NRG3: variants seen among roughly 807,000 people sequenced by gnomAD.
NRG3 encodes the protein neuregulin 3.
In NRG3, 31 loss-of-function variants were observed where a neutral mutation model predicts 66.9. The observed-to-expected ratio is 0.46, with a 90% CI of 0.35 to 0.63. The LOEUF (loss-of-function observed/expected upper bound fraction) is 0.63, where lower values mean the gene tolerates loss of function less well. Ranked by LOEUF, NRG3 falls within the 20% of genes least tolerant of loss-of-function variation. The pLI is 0.00. For missense variants in NRG3, 910 were observed against 878.9 expected (o/e 1.04, Z -0.45); for synonymous variants, 393 against 359.4 (o/e 1.09, Z -1.06).
Position 82,699,857 on chromosome 10 carries a change from CTG to C in NRG3, c.954-38697_954-38696del, listed in dbSNP as rs59381778. Reference sequence around the variant, plus strand: ...AAACATTTGTGCATATATGGATGATCTGTGTGTGTGTGTGTGTGTGTGTGCAT... The same window carrying C: ...AAACATTTGTGCATATATGGATGATCTGTGTGTGTGTGTGTGTGTGTGCAT... On this transcript the variant is annotated intron_variant, in intron 2 of 8. Coordinates refer to ENST00000372141, the MANE Select transcript of NRG3 (RefSeq NM_001010848.4). Among the ~76,000 whole-genome samples, 1,378 of 149,024 alleles carry C rather than the reference CTG, an allele frequency of 9.2e-3. 14 individuals carry two copies. Among genetic ancestry groups the C allele is most frequent in the African/African-American group, 0.025 (1,015 of 40,996 alleles).
chr10:82,528,840 T>G (rs2132622097), intron 2 of NRG3, among the ~76,000 whole-genome samples: 1 of 152,258 alleles, frequency 6.6e-6, no homozygotes, highest in East Asian at 1.9e-4. Flanking sequence ...ATCATCATCA[T>G]GTATATTTGA....
At chr10:82,093,158 T>C (rs928645259) in intron 1 of NRG3, among the ~76,000 whole-genome samples, 1 of 152,220 alleles carries the variant, frequency 6.6e-6, no homozygotes, top group Non-Finnish European at 1.5e-5. Context: ...CTGAGATATT[T>C]ACTGTTATCA....
intron 1 of NRG3, among the ~76,000 whole-genome samples, chr10:81,963,569 T>C (rs2059612373): frequency 1.3e-5 from 2 of 152,220 alleles, no homozygotes; most frequent in South Asian, 4.1e-4. Context: ...TTGTCTAAGT[T>C]TTGCCTTTTA....
At position 82,116,609 on chromosome 10, in the gene NRG3, T is replaced by C. The variant is rs2067736745; in HGVS notation, c.823+240446T>C. ...TGCTCATTTAAGAGCCTATATTTTT[T>C]ATTTCAAATGTTTCTGAAGTAAATC... On this transcript the variant is annotated intron_variant, in intron 1 of 8. Coordinates refer to ENST00000372141, the MANE Select transcript of NRG3 (RefSeq NM_001010848.4). Among the ~76,000 whole-genome samples, 4 of 152,300 alleles carry C rather than the reference T, an allele frequency of 2.6e-5. No homozygotes were observed. In the South Asian group the frequency reaches 8.3e-4, roughly 32 times the overall value.
intron 2 of NRG3, among the ~76,000 whole-genome samples, chr10:82,499,157 G>T (rs576590896): frequency 1.3e-5 from 2 of 152,244 alleles, no homozygotes; most frequent in Admixed American, 1.3e-4. Flanking sequence ...GCTGGAAAAA[G>T]AATTCTCTTT....
chr10:82,461,383 C>T (rs1205840298), intron 2 of NRG3, among the ~76,000 whole-genome samples: 7 of 152,168 alleles, frequency 4.6e-5, no homozygotes, highest in African/African-American at 1.4e-4. Flanking sequence ...CCCACCATTA[C>T]CACCACTTCC....
rs947481867 is a variant in NRG3, at chr10:81,875,884, A to C, written c.544A>C (p.Thr182Pro). ...RVPIRASPRSTTARNTAAPAT... is the reference protein window; with the variant it reads ...RVPIRASPRSPTARNTAAPAT... ...GCCCATCCGGGCCAGCCCGCGCTCC[A>C]CCACAGCACGGAACACTGCGGCCCC... The change falls in exon 1 of 9, where the codon ACC becomes CCC. Residue 182 changes from threonine (T) to proline (P), a missense_variant. By Grantham distance (38) the Thr-to-Pro change is conservative. Coordinates refer to ENST00000372141, the MANE Select transcript of NRG3 (RefSeq NM_001010848.4). The surrounding 1 kb of genome is among the most constrained non-coding windows in gnomAD (Gnocchi z 5.3). The C allele has an allele frequency of 1.9e-6, 3 of 1,611,562 alleles. No homozygotes were observed. In the African/African-American group the frequency reaches 4.0e-5, roughly 22 times the overall value.
chr10:82,776,200 C>T (rs2059907589), intron 3 of NRG3, among the ~76,000 whole-genome samples: 1 of 152,052 alleles, frequency 6.6e-6, no homozygotes, highest in Non-Finnish European at 1.5e-5. Context: ...ATTGGCTATA[C>T]CATTTTAGGT....
At chr10:82,607,789 C>T (rs1043119038) in intron 2 of NRG3, among the ~76,000 whole-genome samples, 2 of 151,940 alleles carry the variant, frequency 1.3e-5, no homozygotes, top group Admixed American at 6.6e-5. Context: ...TTGCAATATA[C>T]ATTTATAAAC....
intron 3 of NRG3, among the ~76,000 whole-genome samples, chr10:82,759,709 A>G (rs1326476696): frequency 3.3e-5 from 5 of 152,182 alleles, no homozygotes; most frequent in Admixed American, 3.3e-4. Context: ...CAGCAAAAGT[A>G]GCATAACACA....
At chr10:82,211,949 C>T (rs2075414729) in intron 1 of NRG3, among the ~76,000 whole-genome samples, 1 of 152,036 alleles carries the variant, frequency 6.6e-6, no homozygotes. Context: ...CCTTGGGTGA[C>T]AAAGATTGCT....
intron 2 of NRG3, among the ~76,000 whole-genome samples, chr10:82,525,697 G>A (rs1373187938): frequency 6.6e-6 from 1 of 151,498 alleles, no homozygotes; most frequent in Non-Finnish European, 1.5e-5. Flanking sequence ...GGTAAAATGA[G>A]TTAGAAACCA....
intron 4 of NRG3, among the ~76,000 whole-genome samples, chr10:82,867,003 A>C (rs1840813711): frequency 6.6e-6 from 1 of 152,170 alleles, no homozygotes; most frequent in South Asian, 2.1e-4. Flanking sequence ...TTATATGCCA[A>C]AGTTTCCCAT....
chr10:82,501,788 A>G (rs896039272), intron 2 of NRG3, among the ~76,000 whole-genome samples: 15 of 152,126 alleles, frequency 9.9e-5, no homozygotes, highest in Non-Finnish European at 1.9e-4. Context: ...TTTTAGTTCT[A>G]TGTTCTGCTT....
chr10:82,383,059 C>T (rs2085728350), intron 2 of NRG3, among the ~76,000 whole-genome samples: 1 of 151,896 alleles, frequency 6.6e-6, no homozygotes, highest in South Asian at 2.1e-4. Context: ...TTCAAAAAGG[C>T]CTTCATTTAT....
chr10:82,536,157 G>T (rs1223805697), intron 2 of NRG3, among the ~76,000 whole-genome samples: 1 of 152,074 alleles, frequency 6.6e-6, no homozygotes, highest in African/African-American at 2.4e-5. Context: ...GCCTTTCTGT[G>T]TTCTTTACAA....
chr10:82,655,991 A>G (rs1250568805), intron 2 of NRG3, among the ~76,000 whole-genome samples: 1 of 152,186 alleles, frequency 6.6e-6, no homozygotes, highest in East Asian at 1.9e-4. Context: ...AACCTAAAGA[A>G]AAGGGACTCT....
intron 2 of NRG3, among the ~76,000 whole-genome samples, chr10:82,535,697 C>T (rs549276967): frequency 1.3e-5 from 2 of 152,108 alleles, no homozygotes; most frequent in Non-Finnish European, 2.9e-5. Flanking sequence ...AGAGCCAGAG[C>T]TTGGGATGAT....
At chr10:82,013,530 A>G (rs1165544928) in intron 1 of NRG3, among the ~76,000 whole-genome samples, 1 of 152,172 alleles carries the variant, frequency 6.6e-6, no homozygotes, top group Non-Finnish European at 1.5e-5. Context: ...TCATTTACAT[A>G]TGAATTTTTA....
Sources: allele counts gnomAD v4.1 joint callset (sites outside exome capture counted in the v4.1 genomes callset), GRCh38; gene constraint gnomAD v4.1.1; non-coding constraint Gnocchi (gnomAD v3.1); transcripts MANE v1.5; gene names NCBI Gene and HGNC (gene_info 2026-07-23, HGNC 2026-07-21).